The following LUZP2 variants were observed in gnomAD, a reference collection of about 807,000 sequenced individuals.
The protein encoded by LUZP2 is leucine zipper protein 2.
LUZP2 carries 52 observed loss-of-function variants against 51.6 expected under a neutral mutation model. That is an observed-to-expected ratio of 1.01 (90% CI 0.81 to 1.27). The LOEUF is 1.27. Ranked by LOEUF, LUZP2 falls within the 50% of genes most tolerant of loss-of-function variation. The pLI is 0.00. For missense variants in LUZP2, 436 were observed against 395.4 expected (o/e 1.10, Z -0.87); for synonymous variants, 154 against 137.3 (o/e 1.12, Z -0.85).
rs1565146990 is a variant in LUZP2, at chr11:24,948,831, CTATCTATCTATCT to C, written c.523-27759_523-27747del. Reference sequence around the variant, plus strand: ...ATCTATCTATCTATCTATCATCTATCTATCTATCTATCTATCTATCTATCTATCTATCTATCTA... The same window carrying C: ...ATCTATCTATCTATCTATCATCTATCATCTATCTATCTATCTATCTATCTA... On this transcript the variant is annotated intron_variant, in intron 7 of 11. Coordinates refer to ENST00000336930, the MANE Select transcript of LUZP2 (RefSeq NM_001009909.4). 9.4e-3 allele frequency among the ~76,000 whole-genome samples: 902 copies of C among 95,872 alleles called. 11 individuals are homozygous for C. Among genetic ancestry groups the C allele is most frequent in the Admixed American group, 0.039 (392 of 9,962 alleles). 62.9% of individuals were successfully genotyped at this position (95,872 alleles called of 152,430 possible).
intron 1 of LUZP2, among the ~76,000 whole-genome samples, chr11:24,687,481 G>A (rs1048380314): frequency 6.6e-6 from 1 of 152,112 alleles, no homozygotes; most frequent in Admixed American, 6.6e-5. Flanking sequence ...ACCTTTATCA[G>A]GTCCGTTTTA....
intron 9 of LUZP2, among the ~76,000 whole-genome samples, chr11:25,031,114 C>T (rs751694982): frequency 1.5e-4 from 22 of 145,244 alleles, no homozygotes; most frequent in Admixed American, 4.3e-4. Context: ...CGAATTCAAG[C>T]GATTCTTTGG....
intron 9 of LUZP2, among the ~76,000 whole-genome samples, chr11:25,032,132 A>G (rs539272948): frequency 1.3e-3 from 195 of 152,274 alleles, no homozygotes; most frequent in African/African-American, 4.6e-3. Flanking sequence ...AACAGCTGGA[A>G]GGGCCAGGGA....
intron 7 of LUZP2, among the ~76,000 whole-genome samples, chr11:24,967,486 CTT>C (rs1322635054): frequency 6.6e-6 from 1 of 151,466 alleles, no homozygotes; most frequent in Non-Finnish European, 1.5e-5. Flanking sequence ...TTTTCATACT[CTT>C]TTCTTTCTAG....
At chr11:24,784,381 A>G (rs1849178660) in intron 5 of LUZP2, among the ~76,000 whole-genome samples, 2 of 151,940 alleles carry the variant, frequency 1.3e-5, no homozygotes, top group African/African-American at 4.8e-5. Context: ...ACAATACCCG[A>G]TAAATTATAA....
chr11:24,696,403 T>C (rs537603967), intron 1 of LUZP2, among the ~76,000 whole-genome samples: 2 of 152,278 alleles, frequency 1.3e-5, no homozygotes, highest in East Asian at 3.9e-4. Context: ...ACAATGTTAA[T>C]TCAATTATCT....
At chr11:24,912,155 C>A (rs1853654524) in intron 6 of LUZP2, among the ~76,000 whole-genome samples, 1 of 151,104 alleles carries the variant, frequency 6.6e-6, no homozygotes, top group Non-Finnish European at 1.5e-5. Flanking sequence ...CTTCCTTCCT[C>A]TCTTTCCTCC....
At chr11:25,003,678 G>A (rs1048675904) in intron 9 of LUZP2, among the ~76,000 whole-genome samples, 1 of 152,182 alleles carries the variant, frequency 6.6e-6, no homozygotes, top group Non-Finnish European at 1.5e-5. Flanking sequence ...ATAAGGAAAA[G>A]TGGTGGGATC....
At chr11:25,051,483 G>C (rs1331299090) in intron 10 of LUZP2, among the ~76,000 whole-genome samples, 1 of 152,172 alleles carries the variant, frequency 6.6e-6, no homozygotes, top group East Asian at 1.9e-4. Context: ...AAAAGACTTT[G>C]GGCAGGAAGG....
intron 5 of LUZP2, chr11:24,890,895 T>A: frequency 4.7e-6 from 1 of 213,838 alleles, no homozygotes; most frequent in Non-Finnish European, 5.2e-6. Flanking sequence ...GTAAAAGTTC[T>A]TTTTTTTTTT....
intron 5 of LUZP2, among the ~76,000 whole-genome samples, chr11:24,807,081 C>G (rs1449058478): frequency 1.3e-5 from 2 of 150,166 alleles, no homozygotes; most frequent in Non-Finnish European, 2.9e-5. Context: ...CCATGGCACC[C>G]TCTGGTTATA....
chr11:24,657,398 C>T (rs146279719), intron 1 of LUZP2, among the ~76,000 whole-genome samples: 19 of 152,214 alleles, frequency 1.2e-4, no homozygotes, highest in African/African-American at 4.3e-4. Flanking sequence ...TAAAAACTCT[C>T]AATAAATTAG....
At chr11:25,071,445 G>A (rs1279398296) in intron 10 of LUZP2, among the ~76,000 whole-genome samples, 2 of 151,796 alleles carry the variant, frequency 1.3e-5, no homozygotes, top group Non-Finnish European at 2.9e-5. Context: ...TGTTGATCGA[G>A]TTTAAATATA....
At chr11:24,559,169 C>A (rs1851959381) in intron 1 of LUZP2, among the ~76,000 whole-genome samples, 2 of 151,786 alleles carry the variant, frequency 1.3e-5, no homozygotes. Flanking sequence ...ATCAGAATTT[C>A]TTTGAAAAAA....
intron 5 of LUZP2, among the ~76,000 whole-genome samples, chr11:24,864,962 C>T (rs895818812): frequency 1.3e-5 from 2 of 152,200 alleles, no homozygotes; most frequent in Non-Finnish European, 2.9e-5. Context: ...AATTGCATAT[C>T]GGTAGAACAA....
intron 2 of LUZP2, among the ~76,000 whole-genome samples, chr11:24,730,114 A>AATG (rs934144057): frequency 3.3e-5 from 5 of 151,208 alleles, no homozygotes; most frequent in Non-Finnish European, 5.9e-5. Context: ...TAATAATGAT[A>AATG]ATGATGATGA....
intron 5 of LUZP2, among the ~76,000 whole-genome samples, chr11:24,806,470 A>G (rs75018184): frequency 0.026 from 3,979 of 152,268 alleles, 151 homozygotes; most frequent in African/African-American, 0.088. Flanking sequence ...AAGACATTGT[A>G]TAGGATCAGT....
intron 5 of LUZP2, among the ~76,000 whole-genome samples, chr11:24,864,297 C>T (rs1038778179): frequency 2.7e-5 from 4 of 149,694 alleles, no homozygotes; most frequent in Non-Finnish European, 1.5e-5. Context: ...AATGAAAAGC[C>T]GAATTAATAA....
intron 5 of LUZP2, among the ~76,000 whole-genome samples, chr11:24,894,694 A>G (rs1852979698): frequency 9.7e-6 from 1 of 102,936 alleles, no homozygotes; most frequent in South Asian, 3.1e-4. Context: ...TATACACGAC[A>G]ACGTGTCATT....
Sources: gnomAD v4.1 joint callset for allele counts (sites outside exome capture counted in the v4.1 genomes callset) on GRCh38, gnomAD v4.1.1 for gene constraint, MANE v1.5 for transcripts, NCBI Gene and HGNC (gene_info 2026-07-23, HGNC 2026-07-21) for gene names.